Variants in ZNF704 observed in about 807,000 individuals in gnomAD.
The protein encoded by ZNF704 is glucocorticoid induced gene 1.
A neutral mutation model predicts 44.7 loss-of-function variants in ZNF704; 10 were observed. The observed-to-expected ratio is 0.22, with a 90% CI of 0.14 to 0.38. The LOEUF is 0.38. ZNF704 is among the 10% of genes least tolerant of loss of function. The pLI is 1.00. For missense variants in ZNF704, 390 were observed against 545.5 expected, an observed-to-expected ratio of 0.71 and a Z score of 2.84; for synonymous variants, 211 against 207.6, an observed-to-expected ratio of 1.02 and a Z score of -0.14.
At chr8:80,810,565 T>C (rs1295925381) in intron 2 of ZNF704, among the ~76,000 whole-genome samples, 1 of 152,190 alleles carries the variant, frequency 6.6e-6, no homozygotes, top group Non-Finnish European at 1.5e-5. Context: ...ATGTTTGAAC[T>C]GCTCTAATAG....
chr8:80,697,261 G>A (rs559111735), intron 2 of ZNF704, among the ~76,000 whole-genome samples: 8 of 152,250 alleles, frequency 5.3e-5, no homozygotes, highest in Non-Finnish European at 1.0e-4. Context: ...TAAGCAAAGC[G>A]CATCCATGGA....
chr8:80,749,129 C>A (rs928009276), intron 2 of ZNF704, among the ~76,000 whole-genome samples: 2 of 152,144 alleles, frequency 1.3e-5, no homozygotes, highest in East Asian at 3.9e-4. Flanking sequence ...TAACTACCTG[C>A]AAATGACCAA....
At chr8:80,710,384 T>G (rs1270834894) in intron 2 of ZNF704, among the ~76,000 whole-genome samples, 1 of 152,206 alleles carries the variant, frequency 6.6e-6, no homozygotes, top group Non-Finnish European at 1.5e-5. Context: ...TCTCTTCATT[T>G]TTTTAGGGAT....
intron 2 of ZNF704, among the ~76,000 whole-genome samples, chr8:80,784,178 C>T (rs577577150): frequency 1.2e-3 from 179 of 152,236 alleles, no homozygotes; most frequent in Non-Finnish European, 2.2e-3. Context: ...TACTGAAGGA[C>T]GTCATTGCTT....
intron 7 of ZNF704, among the ~76,000 whole-genome samples, chr8:80,656,303 G>T (rs1365839041): frequency 6.6e-6 from 1 of 152,164 alleles, no homozygotes; most frequent in Non-Finnish European, 1.5e-5. Context: ...TGGACTTCTA[G>T]CCTCTAGAAC....
chr8:80,790,238 T>C (rs575802989), intron 2 of ZNF704, among the ~76,000 whole-genome samples: 1 of 152,316 alleles, frequency 6.6e-6, no homozygotes, highest in African/African-American at 2.4e-5. Flanking sequence ...AATATTATTT[T>C]AAGAACACCT....
Position 80,742,738 on chromosome 8 carries a change from C to T in ZNF704, c.222-49631G>A, listed in dbSNP as rs143467839. Among the ~76,000 whole-genome samples, 363 of 152,142 alleles carry T rather than the reference C, an allele frequency of 2.4e-3. 1 individual carries two copies. The highest frequency in any genetic ancestry group is 8.4e-3 in the African/African-American group (348 of 41,522). On this transcript the variant is annotated intron_variant, in intron 2 of 8. Transcript: ENST00000327835. The stretch of plus-strand genomic sequence containing the variant: ...GACCATGCTCCAATGTTGATGACAT[C>T]GAAGGCACCCCTCCCAAGGACCCCT...
At chr8:80,745,598 T>C (rs1372209490) in intron 2 of ZNF704, among the ~76,000 whole-genome samples, 1 of 152,188 alleles carries the variant, frequency 6.6e-6, no homozygotes, top group Non-Finnish European at 1.5e-5. Flanking sequence ...AATAATAGAA[T>C]ACTCTATAAA....
intron 4 of ZNF704, among the ~76,000 whole-genome samples, chr8:80,676,056 G>GA (rs1275988410): frequency 6.6e-6 from 1 of 152,206 alleles, no homozygotes; most frequent in Non-Finnish European, 1.5e-5. Flanking sequence ...TAGGAAGGAA[G>GA]ATGTGACCAA....
intron 7 of ZNF704, among the ~76,000 whole-genome samples, chr8:80,658,178 T>C (rs1040924053): frequency 6.6e-6 from 1 of 152,180 alleles, no homozygotes; most frequent in African/African-American, 2.4e-5. Context: ...GGCTGTTCCA[T>C]CTACATGCTA....
chr8:80,826,693 G>A (rs181368037), intron 1 of ZNF704, among the ~76,000 whole-genome samples: 4 of 152,198 alleles, frequency 2.6e-5, no homozygotes, highest in Admixed American at 1.3e-4. Flanking sequence ...CTGGCAAACC[G>A]AATCCAGCAG....
the ZNF704 span, among the ~76,000 whole-genome samples, chr8:80,880,116 T>TTCTCTCTCTCTCTC: frequency 6.6e-6 from 1 of 152,206 alleles, no homozygotes; most frequent in African/African-American, 2.4e-5. Flanking sequence ...GTGTGAAACT[T>TTCTCTCTCTCTCTC]ATTTCATTAT....
At chr8:80,866,728 G>T (rs562755245) in intron 1 of ZNF704, among the ~76,000 whole-genome samples, 2 of 152,152 alleles carry the variant, frequency 1.3e-5, no homozygotes, top group East Asian at 1.9e-4. Flanking sequence ...GGTTGGGGGG[G>T]GGATACATTA....
intron 2 of ZNF704, among the ~76,000 whole-genome samples, chr8:80,717,354 C>G (rs1206587311): frequency 6.6e-6 from 1 of 152,212 alleles, no homozygotes; most frequent in Non-Finnish European, 1.5e-5. Context: ...GAGGATGCAG[C>G]GAGCTGCATT....
chr8:80,847,524 T>C (rs926053720), intron 1 of ZNF704, among the ~76,000 whole-genome samples: 2 of 152,122 alleles, frequency 1.3e-5, no homozygotes, highest in African/African-American at 2.4e-5. Context: ...TAAAACAATT[T>C]TGATAAAAAT....
At chr8:80,835,648 G>C (rs1236248826) in intron 1 of ZNF704, among the ~76,000 whole-genome samples, 5 of 152,150 alleles carry the variant, frequency 3.3e-5, no homozygotes, top group Admixed American at 6.5e-5. Flanking sequence ...ATATGCTAAG[G>C]AACAAAAGGA....
chr8:80,791,888 G>C (rs1490396798), intron 2 of ZNF704, among the ~76,000 whole-genome samples: 1 of 152,238 alleles, frequency 6.6e-6, no homozygotes, highest in African/African-American at 2.4e-5. Flanking sequence ...GGAAGAATGG[G>C]TGTAAAGCCC....
chr8:80,678,224 GC>G (rs1482092521), intron 4 of ZNF704, among the ~76,000 whole-genome samples: 1 of 152,226 alleles, frequency 6.6e-6, no homozygotes, highest in African/African-American at 2.4e-5. Flanking sequence ...GATTTGCAAG[GC>G]AGTTGCAAAT....
Position 80,821,440 on chromosome 8 carries a change from C to T in ZNF704, c.155G>A (p.Arg52His), listed in dbSNP as rs1290389122. 2.5e-6 allele frequency: 4 copies of T among 1,614,118 alleles called. No homozygotes were observed. Among genetic ancestry groups the T allele is most frequent in the Non-Finnish European group, 3.4e-6 (4 of 1,180,000 alleles). The part of the protein sequence containing the change: ...RILDHEKENT[R>H]SICLLEQKRK... Reference sequence around the variant, plus strand: ...TTTTTGCTCAAGGAGACAGATGGAGCGAGTGTTTTCTTTTTCATGGTCAAG... The same window carrying T: ...TTTTTGCTCAAGGAGACAGATGGAGTGAGTGTTTTCTTTTTCATGGTCAAG... Residue 52 changes from arginine (R) to histidine (H), a missense_variant, in exon 2 of 9, where the codon CGC (arginine) becomes CAC (histidine). Around this residue, in one of 3 missense-constraint regions of ZNF704, gnomAD observed 80 missense variants for 83.7 expected, o/e 0.96. Coordinates refer to ENST00000327835, the MANE Select transcript of ZNF704 (RefSeq NM_001033723.3).
Sources: allele counts gnomAD v4.1 joint callset (sites outside exome capture counted in the v4.1 genomes callset), GRCh38; gene constraint gnomAD v4.1.1; regional missense constraint gnomAD v4.1.1; transcripts MANE v1.5; gene names NCBI Gene and HGNC (gene_info 2026-07-23, HGNC 2026-07-21).